The following PKP4 variants were observed in gnomAD, a reference collection of about 807,000 sequenced individuals.
The protein encoded by PKP4 is plakophilin 4, also known as plakophilin-4.
PKP4 carries 90 observed loss-of-function variants against 145.1 expected under a neutral mutation model. That is an observed-to-expected ratio of 0.62 (90% CI 0.52 to 0.74). The LOEUF (loss-of-function observed/expected upper bound fraction) is 0.74, where lower values mean the gene tolerates loss of function less well. Among genes scored for constraint, PKP4 ranks in the 30% least tolerant of loss-of-function variants. PKP4 has a pLI of 0.00. For synonymous variants in PKP4, 563 were observed against 577.2 expected (o/e 0.98, Z 0.35); for missense variants, 1,340 against 1,482.7 (o/e 0.90, Z 1.58).
intron 9 of PKP4, among the ~76,000 whole-genome samples, chr2:158,634,925 C>T (rs1247957416): frequency 1.3e-5 from 2 of 152,162 alleles, no homozygotes; most frequent in East Asian, 1.9e-4. Context: ...TCATTTAATA[C>T]TTGATTGATT....
chr2:158,549,345 G>T (rs996891988), intron 2 of PKP4: 12 of 152,130 alleles, frequency 7.9e-5, no homozygotes, highest in African/African-American at 2.4e-4. Context: ...TTTATTTCAT[G>T]TCTAAAAAAT....
At chr2:158,507,232 A>G (rs1215164838) in intron 1 of PKP4, among the ~76,000 whole-genome samples, 1 of 152,080 alleles carries the variant, frequency 6.6e-6, no homozygotes, top group African/African-American at 2.4e-5. Flanking sequence ...ATCAAGGTAC[A>G]TGCATTCAAC....
chr2:158,567,794 G>A (rs112310053), intron 2 of PKP4, among the ~76,000 whole-genome samples: 1,818 of 152,304 alleles, frequency 0.012, 38 homozygotes, highest in African/African-American at 0.04. Context: ...TTTTGCAGTA[G>A]TCTAAATTAA....
intron 4 of PKP4, among the ~76,000 whole-genome samples, chr2:158,616,895 T>C (rs1318471435): frequency 6.6e-6 from 1 of 152,182 alleles, no homozygotes; most frequent in Non-Finnish European, 1.5e-5. Flanking sequence ...AAAGAGGCCT[T>C]AGACTCTTTT....
At chr2:158,478,373 T>G (rs1300150000) in intron 1 of PKP4, among the ~76,000 whole-genome samples, 1 of 152,070 alleles carries the variant, frequency 6.6e-6, no homozygotes, top group Non-Finnish European at 1.5e-5. Context: ...ATTTTCATAG[T>G]AAATCCTTTA....
chr2:158,617,143 TAAGAC>T (rs1202428062), intron 4 of PKP4, among the ~76,000 whole-genome samples: 10 of 152,198 alleles, frequency 6.6e-5, no homozygotes, highest in East Asian at 1.9e-4. Context: ...TGAAATGTAA[TAAGAC>T]AAGAAAGTCC....
At chr2:158,582,810 C>T (rs561046127) in intron 3 of PKP4, among the ~76,000 whole-genome samples, 2 of 152,250 alleles carry the variant, frequency 1.3e-5, no homozygotes, top group East Asian at 1.9e-4. Context: ...TAATTTTCCA[C>T]GGGGCCAAGT....
Position 158,625,084 on chromosome 2 carries a change from G to A in PKP4, c.810G>A (p.Arg270=). Residue 270 remains arginine (R), a synonymous_variant, in exon 7 of 22, where the codon CGG becomes CGA. Transcript: ENST00000389759. ...CCTCCACCACATTACCTGCTGCACG[G>A]GCAGCCTCTCCGTACTCACAGAGAC... ...AYSSTTLPAA[R]AASPYSQRPA... is the part of the protein sequence containing the mutation. The A allele has an allele frequency of 6.2e-7, 1 of 1,614,100 alleles. No individual in the cohort carries two copies. The highest frequency in any genetic ancestry group is 8.5e-7 in the Non-Finnish European group (1 of 1,180,014).
chr2:158,584,664 A>G (rs1465874537), intron 3 of PKP4, among the ~76,000 whole-genome samples: 2 of 150,504 alleles, frequency 1.3e-5, no homozygotes, highest in East Asian at 1.9e-4. Context: ...TCTACAAAAA[A>G]TTTAAACAAT....
At chr2:158,659,676 G>C (rs1252549169) in intron 12 of PKP4, 1 of 152,250 alleles carries the variant, frequency 6.6e-6, no homozygotes, top group Non-Finnish European at 1.5e-5. Context: ...GGTGGTGTTG[G>C]GGAAGACAAG....
intron 11 of PKP4, among the ~76,000 whole-genome samples, chr2:158,651,797 G>A (rs2055388357): frequency 6.6e-6 from 1 of 152,018 alleles, no homozygotes; most frequent in Non-Finnish European, 1.5e-5. Context: ...CATCACCACT[G>A]TCAAACCCCA....
intron 9 of PKP4, 103 bp from the exon 10 acceptor site, chr2:158,640,524 A>T: frequency 7.8e-7 from 1 of 1,283,430 alleles, no homozygotes; most frequent in South Asian, 1.4e-5. Flanking sequence ...GTAACTTCCC[A>T]TTTTTGTCTC....
At chr2:158,544,410 A>G (rs74580657) in intron 2 of PKP4, among the ~76,000 whole-genome samples, 29,753 of 152,174 alleles carry the variant, frequency 0.2, 3,746 homozygotes, top group Middle Eastern at 0.35. Context: ...GAAGTATTAT[A>G]TAACATTATG....
chr2:158,529,847 T>G (rs753307950), intron 1 of PKP4, among the ~76,000 whole-genome samples: 25 of 152,174 alleles, frequency 1.6e-4, no homozygotes, highest in Non-Finnish European at 2.9e-4. Context: ...GTATTTTAAT[T>G]TTATCTCCCT....
chr2:158,623,082 A>G (rs1009112698), intron 6 of PKP4, among the ~76,000 whole-genome samples: 2 of 152,184 alleles, frequency 1.3e-5, no homozygotes, highest in Admixed American at 6.5e-5. Context: ...GTCTGGACCA[A>G]CTTATCACTT....
intron 2 of PKP4, among the ~76,000 whole-genome samples, chr2:158,565,848 C>T (rs894167470): frequency 7.9e-5 from 12 of 151,942 alleles, no homozygotes; most frequent in East Asian, 1.9e-4. Flanking sequence ...AAGAAGCCCA[C>T]GATAATTTCT....
intron 1 of PKP4, among the ~76,000 whole-genome samples, chr2:158,515,077 CAGTAA>C (rs1294651664): frequency 6.6e-6 from 1 of 152,158 alleles, no homozygotes; most frequent in Non-Finnish European, 1.5e-5. Context: ...CCTGTGCTTT[CAGTAA>C]AGTAACTTAT....
At chr2:158,634,312 T>G in intron 9 of PKP4, 23 bp downstream of exon 9, 42 of 1,591,542 alleles carry the variant, frequency 2.6e-5, no homozygotes, top group Non-Finnish European at 3.5e-5. Flanking sequence ...TAGGAGTCTC[T>G]AGAAGGCTAC....
chr2:158,635,877 C>T (rs1217291514), intron 9 of PKP4, among the ~76,000 whole-genome samples: 2 of 152,040 alleles, frequency 1.3e-5, no homozygotes, highest in African/African-American at 4.8e-5. Context: ...AAATTAAAAG[C>T]TCATGACAAC....
Sources: allele counts gnomAD v4.1 joint callset (sites outside exome capture counted in the v4.1 genomes callset), GRCh38; gene constraint gnomAD v4.1.1; transcripts MANE v1.5; gene names NCBI Gene and HGNC (gene_info 2026-07-23, HGNC 2026-07-21).